Variants in CACFD1 observed in about 807,000 individuals in gnomAD.
CACFD1 encodes calcium channel flower domain containing 1.
In CACFD1, 26 loss-of-function variants were observed where a neutral mutation model predicts 21.3. The ratio of observed to expected loss-of-function variants is 1.22; its 90% confidence interval spans 0.89 to 1.69. The LOEUF is 1.69. Among genes scored for constraint, CACFD1 ranks in the 40% most tolerant of loss-of-function variants. CACFD1 has a pLI of 0.00. For missense variants in CACFD1, 265 were observed against 236.2 expected (o/e 1.12, Z -0.80); for synonymous variants, 121 against 106.6 (o/e 1.13, Z -0.83).
chr9:133,467,319 C>T (rs782089894), intron 3 of CACFD1, among the ~76,000 whole-genome samples: 9 of 152,216 alleles, frequency 5.9e-5, no homozygotes, highest in African/African-American at 9.6e-5. Context: ...CACCAGGTGA[C>T]GCCAAACTGC....
intron 1 of CACFD1, among the ~76,000 whole-genome samples, chr9:133,460,471 C>CGGCGGGGGCGGGGGCGGGGGGGCGGCGGG (rs55944944): frequency 6.4e-5 from 8 of 125,818 alleles, no homozygotes; most frequent in Non-Finnish European, 8.8e-5. Context: ...GGCGGGGGGG[C>CGGCGGGGGCGGGGGCGGGGGGGCGGCGGG]GGCGGGGGCG....
chr9:133,468,315 T>G, intron 4 of CACFD1: 1 of 1,532,014 alleles, frequency 6.5e-7, no homozygotes, highest in Non-Finnish European at 8.7e-7. Flanking sequence ...GGCATTGTAC[T>G]CAGTTGCCAC....
In CACFD1 at chr9:133,460,185, T is replaced by C. The variant is rs1554798004; in HGVS notation, c.119T>C (p.Val40Ala). Residue 40 changes from valine to alanine, a missense_variant and splice_region_variant, in exon 1 of 5, where the codon GTC (valine) becomes GCC (alanine). Transcript: ENST00000316948. Reference protein sequence around the residue: ...LCRLSGVLGAVSCAISGLFNC... With the variant: ...LCRLSGVLGAASCAISGLFNC... ...CGCCTGTCTGGGGTGCTGGGGGCAG[T>C]CTGTGAGTATCCAGTCGGGGAGAGG... The C allele has an allele frequency of 1.3e-6, 2 of 1,545,740 alleles. No individual in the cohort carries two copies. Among genetic ancestry groups the C allele is most frequent in the Admixed American group, 1.9e-5 (1 of 51,304 alleles).
Position 133,463,466 on chromosome 9 carries a change from G to C in CACFD1, c.122-17G>C, listed in dbSNP as rs369694382. ...CCTGCCTCCCTGCTGACTCCTGCCC[G>C]TGTCTCTTGTTTCAAGCTTGCGCGA... On this transcript the variant is annotated splice_polypyrimidine_tract_variant and intron_variant, in intron 1 of 4. Coordinates refer to ENST00000316948, the MANE Select transcript of CACFD1 (RefSeq NM_017586.5). 8.7e-6 allele frequency: 14 copies of C among 1,613,786 alleles called. No homozygotes were observed.
intron 1 of CACFD1, 81 bp from the exon 2 acceptor site, chr9:133,463,402 T>C (rs1843296956): frequency 6.2e-7 from 1 of 1,607,280 alleles, no homozygotes; most frequent in East Asian, 2.2e-5. Context: ...TCTCGTCCTT[T>C]CCAGTCATCT....
chr9:133,462,174 G>A lies in CACFD1; in HGVS notation c.122-1309G>A, dbSNP rs896781544. On this transcript the variant is annotated intron_variant, in intron 1 of 4. Coordinates refer to ENST00000316948, the MANE Select transcript of CACFD1 (RefSeq NM_017586.5). ...GGACAGCTGGGGTAGGGTTGGAGCT[G>A]GAGGCCAAATGCTGACTGCAGCAGG... is the stretch of plus-strand genomic sequence containing the variant. 16 of 1,304,124 alleles carry A rather than the reference G, an allele frequency of 1.2e-5. No individual in the cohort carries two copies. In the East Asian group the frequency reaches 8.3e-4, roughly 68 times the overall value. The allele number at this position is 1,304,124 out of a possible 1,614,324, so 80.8% of individuals were successfully genotyped here.
intron 3 of CACFD1, among the ~76,000 whole-genome samples, chr9:133,467,350 C>T (rs1337487194): frequency 2.0e-5 from 3 of 152,220 alleles, no homozygotes; most frequent in East Asian, 1.9e-4. Flanking sequence ...GGGCCGACCC[C>T]GCAGACCCCG....
At chr9:133,467,847 C>T (rs587626002) in intron 3 of CACFD1, 74 bp from the exon 4 acceptor site, 16 of 1,101,618 alleles carry the variant, frequency 1.5e-5, no homozygotes, top group Middle Eastern at 2.9e-4. Flanking sequence ...GATGCTGGGC[C>T]GAGTCTGGGA....
intron 1 of CACFD1, among the ~76,000 whole-genome samples, chr9:133,460,479 G>A (rs587669400): frequency 6.6e-6 from 1 of 151,544 alleles, no homozygotes; most frequent in Admixed American, 6.6e-5. Context: ...GGCGGCGGGG[G>A]CGGGGGTGGG....
Position 133,467,948 on chromosome 9 carries a change from C to A in CACFD1, c.348C>A (p.Ser116Arg). ...TGGCGGTCGTTCCCATCGTCATCAGCCTGACCCTGACCACGCTGCTGGGCA... is the reference window on the plus strand; with the variant it reads ...TGGCGGTCGTTCCCATCGTCATCAGACTGACCCTGACCACGCTGCTGGGCA... ...CGMAVVPIVI[S>R]LTLTTLLGNA... Residue 116 changes from serine to arginine, a missense_variant, in exon 4 of 5, where the codon AGC becomes AGA. By Grantham distance (110) the Ser-to-Arg change is moderately radical. Coordinates refer to ENST00000316948, the MANE Select transcript of CACFD1 (RefSeq NM_017586.5). 1 of 1,613,562 alleles carries A rather than the reference C, an allele frequency of 6.2e-7. No homozygotes were observed. Among genetic ancestry groups the A allele is most frequent in the Non-Finnish European group, 8.5e-7 (1 of 1,179,980 alleles).
At position 133,460,038 on chromosome 9, in the gene CACFD1, G is replaced by A. The variant is rs2301614; in HGVS notation, c.-29G>A. The A allele has an allele frequency of 0.32, 497,128 of 1,532,228 alleles. 85,297 individuals carry two copies. Among genetic ancestry groups the A allele is most frequent in the South Asian group, 0.36 (30,083 of 83,464 alleles). The allele number at this position is 1,532,228 out of a possible 1,614,324, so 94.9% of individuals were successfully genotyped here. ...GGCCGGCTACCGAGCCCTTTGTGAG[G>A]GCTGTGAGCTGCGCCTGACGGTGGC... On this transcript the variant is annotated 5_prime_UTR_variant, in exon 1 of 5. Transcript: ENST00000316948.
rs144546554 is a variant in CACFD1 at position 133,464,923 on chromosome 9, A to C, written c.195-399A>C. 38 of 173,474 alleles carry C rather than the reference A, an allele frequency of 2.2e-4. No individual in the cohort carries two copies. The East Asian group carries it at 5.8e-3, about 27-fold the overall frequency. The allele number at this position is 173,474 out of a possible 1,614,324, so 10.7% of individuals were successfully genotyped here. ...ACGGCTTTTGGTGGCCATGGCGATAATACTAACAGCAGACAGAGGACACAG... is the reference window on the plus strand; with the variant it reads ...ACGGCTTTTGGTGGCCATGGCGATACTACTAACAGCAGACAGAGGACACAG... On this transcript the variant is annotated intron_variant, in intron 2 of 4. Transcript: ENST00000316948.
chr9:133,460,796 C>T (rs979606855), intron 1 of CACFD1, among the ~76,000 whole-genome samples: 7 of 152,206 alleles, frequency 4.6e-5, no homozygotes, highest in Non-Finnish European at 8.8e-5. Context: ...AGGGCCCGGC[C>T]TCTCCCTGGG....
In CACFD1 at chr9:133,468,688, C is replaced by G. The variant is rs1554800226; in HGVS notation, c.*35C>G. ...CGCCCCTCCCTCCCTGTCCCCTCTT[C>G]TGGCTCTGTGTGGGTCCAAGTGAGG... On this transcript the variant is annotated 3_prime_UTR_variant, in exon 5 of 5. Transcript: ENST00000316948. The G allele has an allele frequency of 6.5e-7, 1 of 1,540,164 alleles. No individual in the cohort carries two copies. The highest frequency in any genetic ancestry group is 2.4e-5 in the East Asian group (1 of 42,086).
rs200784437 is a variant in CACFD1, at chr9:133,468,041, G to T, written c.428+13G>T. 1 of 1,606,942 alleles carries T rather than the reference G, an allele frequency of 6.2e-7. No homozygotes were observed. Among genetic ancestry groups the T allele is most frequent in the East Asian group, 2.2e-5 (1 of 44,822 alleles). ...CTCTGGGCAAAAAGTGCGTCTGCCAGGCCCAGCCCCTGGGCAGGGCCTTCC... is the reference window on the plus strand; with the variant it reads ...CTCTGGGCAAAAAGTGCGTCTGCCATGCCCAGCCCCTGGGCAGGGCCTTCC... On this transcript the variant is annotated intron_variant, in intron 4 of 4. Coordinates refer to ENST00000316948, the MANE Select transcript of CACFD1 (RefSeq NM_017586.5).
chr9:133,465,431 G>C lies in CACFD1; in HGVS notation c.304G>C (p.Ala102Pro). The C allele has an allele frequency of 6.2e-7, 1 of 1,612,518 alleles. No homozygotes were observed. The highest frequency in any genetic ancestry group is 8.5e-7 in the Non-Finnish European group (1 of 1,179,168). ...KVDRLRSWQK[A>P]VFYCGMAVVP... ...GGACCGGCTGCGCTCCTGGCAGAAG[G>C]CTGTCTTCTACTGCGGGTGAGGGGT... is the stretch of plus-strand genomic sequence containing the variant. Residue 102 changes from alanine to proline, a missense_variant, in exon 3 of 5, where the codon GCT becomes CCT. Physicochemically the swap from Ala to Pro is conservative, Grantham distance 27. Coordinates refer to ENST00000316948, the MANE Select transcript of CACFD1 (RefSeq NM_017586.5). The surrounding 1 kb of genome is among the most constrained non-coding windows in gnomAD (Gnocchi z 5.0).
At chr9:133,461,681 T>TG (rs1248848248) in intron 1 of CACFD1, 2 of 165,766 alleles carry the variant, frequency 1.2e-5, no homozygotes, top group Non-Finnish European at 2.5e-5. Flanking sequence ...CTGCCTTTCC[T>TG]GGGAGTTCCT....
In CACFD1 at chr9:133,465,737, G is replaced by T. The variant is rs1843410927; in HGVS notation, c.320+290G>T. The T allele has an allele frequency of 5.6e-6, 2 of 356,088 alleles. No individual in the cohort carries two copies. Among genetic ancestry groups the T allele is most frequent in the Non-Finnish European group, 1.0e-5 (2 of 195,596 alleles). 22.1% of individuals were successfully genotyped at this position (356,088 alleles called of 1,614,324 possible). A position where few individuals can be genotyped will look rare whatever the true frequency, so the allele number is the denominator to read the frequency against. ...GTGGAGAGAAAGTGGGAAGCGTCTG[G>T]AATTTTGGTCCGTCCACTGGGAGTT... is the stretch of plus-strand genomic sequence containing the variant. On this transcript the variant is annotated intron_variant, in intron 3 of 4. Coordinates refer to ENST00000316948, the MANE Select transcript of CACFD1 (RefSeq NM_017586.5). This position sits in a 1 kb window ranked among gnomAD's most constrained non-coding sequence, Gnocchi z 5.0.
rs1469574891 is a variant in CACFD1, at chr9:133,470,392, G to A, written c.*1739G>A. ...TGCCTGCTTCTGCCCTTTCCAGAGG[G>A]GTCTCACTGACAGCCAGAGACAGCA... is the stretch of plus-strand genomic sequence containing the variant. On this transcript the variant is annotated 3_prime_UTR_variant, in exon 5 of 5. Coordinates refer to ENST00000316948, the MANE Select transcript of CACFD1 (RefSeq NM_017586.5). The A allele has an allele frequency of 2.0e-5, 3 of 152,662 alleles. No individual in the cohort carries two copies. Among genetic ancestry groups the A allele is most frequent in the African/African-American group, 7.2e-5 (3 of 41,548 alleles). 9.5% of individuals were successfully genotyped at this position (152,662 alleles called of 1,614,324 possible).
Sources: allele counts gnomAD v4.1 joint callset (sites outside exome capture counted in the v4.1 genomes callset), GRCh38; gene constraint gnomAD v4.1.1; non-coding constraint Gnocchi (gnomAD v3.1); transcripts MANE v1.5; gene names NCBI Gene and HGNC (gene_info 2026-07-23, HGNC 2026-07-21).